NT5DC3: variants seen among roughly 807,000 people sequenced by gnomAD.
NT5DC3 encodes 5'-nucleotidase domain containing 3.
Under a neutral mutation model 67.8 loss-of-function variants are expected in NT5DC3, and 42 were observed. That is an observed-to-expected ratio of 0.62 (90% CI 0.48 to 0.80). The LOEUF is 0.80. Among genes scored for constraint, NT5DC3 ranks in the 30% least tolerant of loss-of-function variants. The probability of loss-of-function intolerance (pLI) is 0.00; values close to 1 mark genes in which losing one functional copy is unlikely to be tolerated. For missense variants in NT5DC3, 570 were observed against 696.4 expected, an observed-to-expected ratio of 0.82 and a Z score of 2.04; for synonymous variants, 237 against 255.6, an observed-to-expected ratio of 0.93 and a Z score of 0.69.
At chr12:103,788,071 T>C (rs1885872713) in intron 10 of NT5DC3, among the ~76,000 whole-genome samples, 1 of 152,216 alleles carries the variant, frequency 6.6e-6, no homozygotes. Context: ...AAATGAACTT[T>C]AGTAACATAA....
At chr12:103,793,862 A>C (rs753050685) in intron 7 of NT5DC3, 75 bp downstream of exon 7, 23 of 1,260,170 alleles carry the variant, frequency 1.8e-5, no homozygotes, top group Non-Finnish European at 2.6e-5. Context: ...CCTGGAATGC[A>C]AAGTAAAATG....
the NT5DC3 span, among the ~76,000 whole-genome samples, chr12:103,748,480 T>G: frequency 6.6e-6 from 1 of 152,118 alleles, no homozygotes; most frequent in South Asian, 2.1e-4. Context: ...TTTAGCTGTT[T>G]TAGCTTTGTC....
intron 2 of NT5DC3, among the ~76,000 whole-genome samples, chr12:103,812,094 T>C (rs1887058160): frequency 6.6e-6 from 1 of 152,140 alleles, no homozygotes; most frequent in African/African-American, 2.4e-5. Context: ...ATTACTCAAT[T>C]TTTAAAAAAA....
At position 103,806,881 on chromosome 12, in the gene NT5DC3, G is replaced by A. The variant is rs1886823247; in HGVS notation, c.442C>T (p.Arg148Cys). The change falls in exon 3 of 14, where the codon CGT (arginine) becomes TGT (cysteine). Residue 148 changes from arginine (R) to cysteine (C), a missense_variant. This residue lies in a region of NT5DC3 where 466 missense variants were observed against 608.0 expected (regional missense o/e 0.77). Transcript: ENST00000392876. ...CGCTGTACATCATAATGAAGTCCAC[G>A]AATTGCAAAATTTGGGTCATACTCA... ...KYEYDPNFAI[R>C]GLHYDVQRAV... 2 of 1,608,158 alleles carry A rather than the reference G, an allele frequency of 1.2e-6. No individual in the cohort carries two copies. Among genetic ancestry groups the A allele is most frequent in the Non-Finnish European group, 1.7e-6 (2 of 1,174,648 alleles).
chr12:103,789,779 TCA>T (rs1476568942), intron 9 of NT5DC3, among the ~76,000 whole-genome samples: 1 of 152,188 alleles, frequency 6.6e-6, no homozygotes, highest in Admixed American at 6.5e-5. Context: ...CCCAAAGGAC[TCA>T]CAGTTTGTTT....
intron 2 of NT5DC3, among the ~76,000 whole-genome samples, chr12:103,811,618 C>A (rs1472249700): frequency 2.6e-5 from 4 of 152,176 alleles, no homozygotes; most frequent in African/African-American, 9.7e-5. Context: ...TGACAACTAA[C>A]TGCAATGTGG....
intron 2 of NT5DC3, among the ~76,000 whole-genome samples, chr12:103,809,947 G>C (rs1449043257): frequency 6.6e-6 from 1 of 152,152 alleles, no homozygotes; most frequent in East Asian, 1.9e-4. Flanking sequence ...AAGGTCGTCT[G>C]TCCCTCTAAG....
the NT5DC3 span, among the ~76,000 whole-genome samples, chr12:103,748,757 C>T: frequency 1.3e-5 from 2 of 152,122 alleles, no homozygotes; most frequent in African/African-American, 4.8e-5. Flanking sequence ...CAGATGTCAT[C>T]AGGCTGCATC....
chr12:103,838,401 A>C (rs1888240059), intron 1 of NT5DC3, among the ~76,000 whole-genome samples: 1 of 152,204 alleles, frequency 6.6e-6, no homozygotes, highest in African/African-American at 2.4e-5. Context: ...CTATGATGCT[A>C]CTGCTACCTG....
intron 12 of NT5DC3, among the ~76,000 whole-genome samples, chr12:103,784,312 C>G (rs1437534986): frequency 1.3e-5 from 2 of 152,182 alleles, no homozygotes; most frequent in African/African-American, 4.8e-5. Flanking sequence ...AGAGAAGAGC[C>G]AAGAACTAAT....
Position 103,806,031 on chromosome 12 carries a change from T to C in NT5DC3, c.524+291A>G, listed in dbSNP as rs573807426. ...TCCTTCCTCCAGTCCTCCAGACTGC[T>C]CCCGACCTCTGAGCACATTTCTATC... On this transcript the variant is annotated intron_variant, in intron 4 of 13. Coordinates refer to ENST00000392876, the MANE Select transcript of NT5DC3 (RefSeq NM_001031701.3). Among the ~76,000 whole-genome samples the C allele has an allele frequency of 2.0e-5, 3 of 152,120 alleles. No homozygotes were observed. In the South Asian group the frequency reaches 6.2e-4, roughly 32 times the overall value.
the NT5DC3 span, chr12:103,758,415 G>T: frequency 6.8e-7 from 1 of 1,478,476 alleles, no homozygotes; most frequent in Non-Finnish European, 9.1e-7. Flanking sequence ...ATCATCTGCA[G>T]ATCAGTTGGC....
the NT5DC3 span, among the ~76,000 whole-genome samples, chr12:103,751,581 A>G: frequency 6.6e-6 from 1 of 152,162 alleles, no homozygotes; most frequent in Non-Finnish European, 1.5e-5. Flanking sequence ...TCCAAGCAGA[A>G]AGATTTTATG....
rs114594488 is a variant in NT5DC3 at position 103,783,567 on chromosome 12, G to A, written c.1329+1768C>T. 3.5e-3 allele frequency among the ~76,000 whole-genome samples: 534 copies of A among 152,198 alleles called. 5 individuals are homozygous for A. The highest frequency in any genetic ancestry group is 0.012 in the African/African-American group (502 of 41,524). On this transcript the variant is annotated intron_variant, in intron 12 of 13. Transcript: ENST00000392876. ...AGCCTGATTCTGCCAACCGAGAACT[G>A]TGATTCTAGAAAAGTCACCTATCTC...
Position 103,841,038 on chromosome 12 carries a change from G to A in NT5DC3, c.119C>T (p.Ala40Val). The change falls in exon 1 of 14, where the codon GCC becomes GTC. Residue 40 changes from alanine to valine, a missense_variant. Ala to Val is a moderately conservative substitution (Grantham distance 64, BLOSUM62 0). Around this residue, in one of 2 missense-constraint regions of NT5DC3, gnomAD observed 104 missense variants for 88.4 expected, o/e 1.18. Transcript: ENST00000392876. ...CCCGGGTGCAGTGCACAAGGGCCGG[G>A]CGGGGCCCGCACACGGCCGCCCCCG... Reference protein sequence around the residue: ...AARGRPCAGPARPLCTAPGTA... With the variant: ...AARGRPCAGPVRPLCTAPGTA... The A allele has an allele frequency of 7.9e-7, 1 of 1,266,288 alleles. No homozygotes were observed. The highest frequency in any genetic ancestry group is 9.9e-7 in the Non-Finnish European group (1 of 1,007,592). The allele number at this position is 1,266,288 out of a possible 1,614,324, so 78.4% of individuals were successfully genotyped here. A position where few individuals can be genotyped will look rare whatever the true frequency, so the allele number is the denominator to read the frequency against.
chr12:103,793,860 G>A (rs1886177767), intron 7 of NT5DC3, 77 bp downstream of exon 7: 8 of 1,220,832 alleles, frequency 6.6e-6, no homozygotes, highest in Non-Finnish European at 8.5e-6. Context: ...CACCTGGAAT[G>A]CAAAGTAAAA....
chr12:103,835,773 C>T (rs1034467234), intron 1 of NT5DC3, among the ~76,000 whole-genome samples: 1 of 152,196 alleles, frequency 6.6e-6, no homozygotes, highest in Non-Finnish European at 1.5e-5. Flanking sequence ...CAAAATCCTC[C>T]TCGGACTGTC....
chr12:103,760,973 T>C, the NT5DC3 span, among the ~76,000 whole-genome samples: 1 of 144,768 alleles, frequency 6.9e-6, no homozygotes, highest in African/African-American at 2.6e-5. Context: ...GTTCAGTGCA[T>C]GGACGCAGCG....
At chr12:103,811,363 T>C (rs1050639302) in intron 2 of NT5DC3, among the ~76,000 whole-genome samples, 2 of 151,854 alleles carry the variant, frequency 1.3e-5, no homozygotes, top group African/African-American at 4.8e-5. Flanking sequence ...AGGAAAGGGT[T>C]TGGAGGTTCA....
Sources: allele counts gnomAD v4.1 joint callset (sites outside exome capture counted in the v4.1 genomes callset), GRCh38; gene constraint gnomAD v4.1.1; regional missense constraint gnomAD v4.1.1; transcripts MANE v1.5; gene names NCBI Gene and HGNC (gene_info 2026-07-23, HGNC 2026-07-21).